The following SCD5 variants were observed in gnomAD, a reference collection of about 807,000 sequenced individuals.
SCD5 encodes stearoyl-CoA desaturase 5, also known as acyl-CoA-desaturase 4.
In SCD5, 20 loss-of-function variants were observed where a neutral mutation model predicts 30.4. The ratio of observed to expected loss-of-function variants is 0.66; its 90% CI spans 0.46 to 0.96. The LOEUF (loss-of-function observed/expected upper bound fraction) is 0.96, where lower values mean the gene tolerates loss of function less well. SCD5 is among the 40% of genes least tolerant of loss of function. The pLI is 0.00. For synonymous variants in SCD5, 173 were observed against 176.4 expected (o/e 0.98, Z 0.16); for missense variants, 381 against 443.3 (o/e 0.86, Z 1.26).
At chr4:82,651,148 T>C (rs973190990) in intron 3 of SCD5, among the ~76,000 whole-genome samples, 2 of 152,156 alleles carry the variant, frequency 1.3e-5, no homozygotes, top group Non-Finnish European at 2.9e-5. Context: ...CAGATGGTAG[T>C]TGGACAAGAG....
intron 3 of SCD5, chr4:82,660,757 C>A: frequency 6.5e-7 from 1 of 1,535,944 alleles, no homozygotes; most frequent in South Asian, 1.3e-5. Context: ...CTAATGTTAG[C>A]ACAGACTGCA....
intron 1 of SCD5, among the ~76,000 whole-genome samples, chr4:82,756,831 T>C (rs543226761): frequency 6.6e-5 from 10 of 152,062 alleles, no homozygotes; most frequent in South Asian, 4.2e-4. Flanking sequence ...CCATCCTCCA[T>C]AGAGCCACCC....
chr4:82,730,647 G>T (rs541273421), intron 1 of SCD5, among the ~76,000 whole-genome samples: 2 of 138,896 alleles, frequency 1.4e-5, no homozygotes, highest in African/African-American at 5.5e-5. Context: ...GTGCAGTGGC[G>T]GGATCTTGGC....
intron 1 of SCD5, among the ~76,000 whole-genome samples, chr4:82,714,767 T>A (rs1479138007): frequency 6.6e-6 from 1 of 152,160 alleles, no homozygotes; most frequent in African/African-American, 2.4e-5. Flanking sequence ...CATTTTGGAT[T>A]TCAGATTTTT....
chr4:82,650,933 A>C (rs1210681784), intron 3 of SCD5, among the ~76,000 whole-genome samples: 1 of 143,990 alleles, frequency 6.9e-6, no homozygotes, highest in African/African-American at 2.5e-5. Context: ...CATGGTAAAT[A>C]AATTACATAT....
rs1394787097 is a variant in SCD5 at position 82,629,906 on chromosome 4, C to G, written c.*1421G>C. ...CTACAAAATTAATGAAGGCTGCATG[C>G]AGGTGAAACATTAGTAGACACGGAA... On this transcript the variant is annotated 3_prime_UTR_variant, in exon 5 of 5. Coordinates refer to ENST00000319540, the MANE Select transcript of SCD5 (RefSeq NM_001037582.3). The G allele has an allele frequency of 6.6e-6, 1 of 152,120 alleles. No homozygotes were observed. Among genetic ancestry groups the G allele is most frequent in the Admixed American group, 6.6e-5 (1 of 15,260 alleles). The allele number at this position is 152,120 out of a possible 1,614,324, so 9.4% of individuals were successfully genotyped here. A position where few individuals can be genotyped will look rare whatever the true frequency, so the allele number is the denominator to read the frequency against.
intron 2 of SCD5, among the ~76,000 whole-genome samples, chr4:82,702,506 T>C (rs904185528): frequency 1.3e-5 from 2 of 152,066 alleles, no homozygotes; most frequent in African/African-American, 4.8e-5. Flanking sequence ...CTCAGCCCCA[T>C]ACATACATCT....
chr4:82,665,971 T>G (rs1728177200), intron 3 of SCD5, among the ~76,000 whole-genome samples: 1 of 152,184 alleles, frequency 6.6e-6, no homozygotes, highest in South Asian at 2.1e-4. Flanking sequence ...GATTTGCATT[T>G]AAAAATTTTT....
At chr4:82,678,440 C>T (rs919649925) in intron 3 of SCD5, among the ~76,000 whole-genome samples, 1 of 152,126 alleles carries the variant, frequency 6.6e-6, no homozygotes, top group African/African-American at 2.4e-5. Context: ...GACTATTATA[C>T]CCGGCTCATT....
chr4:82,676,820 C>T (rs1233530745), intron 3 of SCD5, among the ~76,000 whole-genome samples: 4 of 152,256 alleles, frequency 2.6e-5, no homozygotes, highest in African/African-American at 9.6e-5. Context: ...GCTTCTCTCC[C>T]TTGCACCTCC....
intron 3 of SCD5, among the ~76,000 whole-genome samples, chr4:82,672,378 C>A (rs79459881): frequency 6.6e-6 from 1 of 152,124 alleles, no homozygotes; most frequent in Admixed American, 6.5e-5. Context: ...CCCTACAGAT[C>A]CCATGGATAT....
chr4:82,722,245 T>C (rs2140945), intron 1 of SCD5, among the ~76,000 whole-genome samples: 65,592 of 151,972 alleles, frequency 0.43, 14,861 homozygotes, highest in African/African-American at 0.57. Flanking sequence ...GTGTCAAATA[T>C]GGAGTAGAAG....
chr4:82,789,183 T>C (rs930717649), intron 1 of SCD5, among the ~76,000 whole-genome samples: 1 of 152,200 alleles, frequency 6.6e-6, no homozygotes, highest in African/African-American at 2.4e-5. Flanking sequence ...GCTCTATTCA[T>C]GAAAATAAAA....
chr4:82,797,304 C>G (rs1335745723), intron 1 of SCD5, among the ~76,000 whole-genome samples: 1 of 152,206 alleles, frequency 6.6e-6, no homozygotes, highest in Non-Finnish European at 1.5e-5. Flanking sequence ...TGGATTACCT[C>G]GTCAAATTCT....
intron 1 of SCD5, among the ~76,000 whole-genome samples, chr4:82,790,416 C>T (rs1220237087): frequency 2.0e-5 from 3 of 151,876 alleles, no homozygotes; most frequent in East Asian, 3.9e-4. Flanking sequence ...TCACCAGCCA[C>T]GCTGAACAAT....
At chr4:82,761,247 G>A (rs1045477870) in intron 1 of SCD5, among the ~76,000 whole-genome samples, 6 of 152,192 alleles carry the variant, frequency 3.9e-5, no homozygotes, top group African/African-American at 1.4e-4. Flanking sequence ...AGCAGGCAAC[G>A]TCTGACATCT....
intron 3 of SCD5, among the ~76,000 whole-genome samples, chr4:82,664,999 CTATATATATA>C (rs70964800): frequency 1.4e-5 from 1 of 70,486 alleles, no homozygotes; most frequent in African/African-American, 7.5e-5. Context: ...CTCTCTCTCT[CTATATATATA>C]TATATATATA....
chr4:82,719,180 G>A (rs1720301966), intron 1 of SCD5, among the ~76,000 whole-genome samples: 2 of 151,682 alleles, frequency 1.3e-5, no homozygotes, highest in Admixed American at 1.3e-4. Context: ...ATCTGGCAAT[G>A]TCAGGCCACC....
At chr4:82,732,117 T>C (rs923193404) in intron 1 of SCD5, among the ~76,000 whole-genome samples, 22 of 152,188 alleles carry the variant, frequency 1.4e-4, no homozygotes, top group African/African-American at 5.3e-4. Context: ...TTTTTCTTTT[T>C]TGAGACGGAG....
Sources: gnomAD v4.1 joint callset for allele counts (sites outside exome capture counted in the v4.1 genomes callset) on GRCh38, gnomAD v4.1.1 for gene constraint, MANE v1.5 for transcripts, NCBI Gene and HGNC (gene_info 2026-07-23, HGNC 2026-07-21) for gene names.